Variants in MCTP1 observed in about 807,000 individuals in gnomAD.
MCTP1 encodes the protein multiple C2 and transmembrane domain-containing protein 1.
A neutral mutation model predicts 120.6 loss-of-function variants in MCTP1; 69 were observed. That is an observed-to-expected ratio of 0.57 (90% confidence interval 0.47 to 0.70). MCTP1 has a LOEUF of 0.70. Among genes scored for constraint, MCTP1 ranks in the 30% least tolerant of loss-of-function variants. The pLI, the probability that MCTP1 is intolerant of heterozygous loss-of-function variation, is 0.00. For missense variants in MCTP1, 1,203 were observed against 1,248.8 expected, an observed-to-expected ratio of 0.96 and a Z score of 0.55; for synonymous variants, 529 against 493.1, an observed-to-expected ratio of 1.07 and a Z score of -0.96.
chr5:94,836,371 G>A (rs1279391778), intron 17 of MCTP1, among the ~76,000 whole-genome samples: 1 of 151,998 alleles, frequency 6.6e-6, no homozygotes, highest in East Asian at 1.9e-4. Flanking sequence ...CGCACACATA[G>A]GGCCAATTTA....
chr5:95,256,760 T>C (rs1562282265), intron 1 of MCTP1, among the ~76,000 whole-genome samples: 1 of 152,166 alleles, frequency 6.6e-6, no homozygotes, highest in African/African-American at 2.4e-5. Flanking sequence ...CTGGCTTAGT[T>C]GCAGGGAGTA....
At chr5:94,999,243 C>T (rs920361766) in intron 2 of MCTP1, among the ~76,000 whole-genome samples, 3 of 152,088 alleles carry the variant, frequency 2.0e-5, no homozygotes, top group African/African-American at 7.2e-5. Flanking sequence ...GGAACATATC[C>T]TTGAGGAAGT....
chr5:95,143,399 C>T (rs912237531), intron 1 of MCTP1, among the ~76,000 whole-genome samples: 3 of 152,152 alleles, frequency 2.0e-5, no homozygotes, highest in Admixed American at 1.3e-4. Flanking sequence ...TGCAACTCCT[C>T]AGCTGATTTA....
chr5:94,724,412 ATTTTTTTTT>A (rs34497014), intron 19 of MCTP1, among the ~76,000 whole-genome samples: 1 of 138,512 alleles, frequency 7.2e-6, no homozygotes, highest in South Asian at 2.4e-4. Context: ...CGTCTGGCTA[ATTTTTTTTT>A]TTTTTTTTTT....
intron 17 of MCTP1, among the ~76,000 whole-genome samples, chr5:94,848,390 G>A (rs1792953208): frequency 6.6e-6 from 1 of 151,520 alleles, no homozygotes; most frequent in African/African-American, 2.4e-5. Flanking sequence ...CAGCCTTGGG[G>A]GTCACCCTCC....
At chr5:95,218,199 G>T (rs1173975120) in intron 1 of MCTP1, among the ~76,000 whole-genome samples, 1 of 152,210 alleles carries the variant, frequency 6.6e-6, no homozygotes, top group Non-Finnish European at 1.5e-5. Context: ...GGGATGAAAA[G>T]AATTTGACAG....
intron 2 of MCTP1, among the ~76,000 whole-genome samples, chr5:94,983,687 CTA>C: frequency 6.6e-6 from 1 of 152,138 alleles, no homozygotes. Flanking sequence ...ATCTATCTAT[CTA>C]TCTATCTATT....
At chr5:94,794,995 C>T (rs1313857289) in intron 18 of MCTP1, among the ~76,000 whole-genome samples, 2 of 152,142 alleles carry the variant, frequency 1.3e-5, no homozygotes, top group Non-Finnish European at 2.9e-5. Flanking sequence ...TTCAGACAGA[C>T]TGCTCTGTGT....
intron 19 of MCTP1, among the ~76,000 whole-genome samples, chr5:94,763,339 A>G (rs1289399684): frequency 6.6e-6 from 1 of 152,170 alleles, no homozygotes; most frequent in African/African-American, 2.4e-5. Context: ...AAGCCTTCAC[A>G]ATCTTAAATG....
intron 1 of MCTP1, among the ~76,000 whole-genome samples, chr5:95,115,340 A>AT (rs1258579049): frequency 1.3e-5 from 2 of 152,166 alleles, no homozygotes; most frequent in Admixed American, 1.3e-4. Context: ...CAGACAGAGA[A>AT]TCAAAAATAG....
At chr5:95,168,001 T>C (rs1428705510) in intron 1 of MCTP1, among the ~76,000 whole-genome samples, 1 of 152,150 alleles carries the variant, frequency 6.6e-6, no homozygotes, top group Non-Finnish European at 1.5e-5. Flanking sequence ...ATTGCCTAGG[T>C]TTTCTTCTAG....
At chr5:95,031,675 A>C (rs746611031) in intron 1 of MCTP1, among the ~76,000 whole-genome samples, 3 of 152,152 alleles carry the variant, frequency 2.0e-5, no homozygotes, top group African/African-American at 4.8e-5. Flanking sequence ...ATATGCTATC[A>C]TAAAAACACA....
chr5:94,911,334 G>T (rs925946214), intron 9 of MCTP1, among the ~76,000 whole-genome samples: 1 of 152,160 alleles, frequency 6.6e-6, no homozygotes, highest in African/African-American at 2.4e-5. Context: ...GAGATAAGAT[G>T]ATATGGTTTG....
intron 1 of MCTP1, among the ~76,000 whole-genome samples, chr5:95,193,936 C>T (rs1037454288): frequency 1.3e-5 from 2 of 152,118 alleles, no homozygotes; most frequent in African/African-American, 2.4e-5. Context: ...GAAAGCCAGG[C>T]GTGGTGCTTC....
At chr5:95,256,328 C>T (rs895586897) in intron 1 of MCTP1, among the ~76,000 whole-genome samples, 2 of 152,232 alleles carry the variant, frequency 1.3e-5, no homozygotes. Flanking sequence ...TGGCCCACTC[C>T]CTGTGCTGCT....
chr5:94,923,701 G>C (rs1317303259), intron 7 of MCTP1, among the ~76,000 whole-genome samples: 2 of 152,188 alleles, frequency 1.3e-5, no homozygotes, highest in African/African-American at 4.8e-5. Flanking sequence ...TGGGACTCTA[G>C]CTTCTCAGAA....
chr5:94,794,819 G>T (rs907113634), intron 18 of MCTP1, among the ~76,000 whole-genome samples: 1 of 152,160 alleles, frequency 6.6e-6, no homozygotes. Context: ...GGGGTGAGTG[G>T]TGTGGGAAAA....
intron 19 of MCTP1, among the ~76,000 whole-genome samples, chr5:94,735,622 T>C (rs1328292533): frequency 6.6e-6 from 1 of 152,168 alleles, no homozygotes; most frequent in East Asian, 1.9e-4. Flanking sequence ...ATTTACAGGA[T>C]AGAGTACATA....
chr5:95,268,015 C>T (rs543863187), intron 1 of MCTP1, among the ~76,000 whole-genome samples: 36 of 152,226 alleles, frequency 2.4e-4, no homozygotes, highest in Non-Finnish European at 4.3e-4. Flanking sequence ...ATCCTAAATG[C>T]TTCTTCAGGG....
Sources: gnomAD v4.1 joint callset for allele counts (sites outside exome capture counted in the v4.1 genomes callset) on GRCh38, gnomAD v4.1.1 for gene constraint, MANE v1.5 for transcripts, NCBI Gene and HGNC (gene_info 2026-07-23, HGNC 2026-07-21) for gene names.